SEMA3E: variants seen among roughly 807,000 people sequenced by gnomAD.
SEMA3E encodes the protein semaphorin 3E.
A neutral mutation model predicts 93.6 loss-of-function variants in SEMA3E; 49 were observed. That is an observed-to-expected ratio of 0.52 (90% confidence interval 0.42 to 0.66). SEMA3E has a LOEUF of 0.66. Among genes scored for constraint, SEMA3E ranks in the 30% least tolerant of loss-of-function variants. SEMA3E has a pLI of 0.00. For synonymous variants in SEMA3E, 363 were observed against 330.7 expected (o/e 1.10, Z -1.06); for missense variants, 906 against 964.8 (o/e 0.94, Z 0.81).
chr7:83,372,130 T>C, intron 16 of SEMA3E: 1 of 395,036 alleles, frequency 2.5e-6, no homozygotes, highest in Non-Finnish European at 4.5e-6. Context: ...TGTATAGCAA[T>C]GGGGTATATC....
intron 7 of SEMA3E, 42 bp from the exon 8 acceptor site, chr7:83,406,101 T>C: frequency 7.4e-7 from 1 of 1,346,224 alleles, no homozygotes. Context: ...CCTAAAGAAT[T>C]TCGACCAACC....
At chr7:83,503,834 C>T (rs140262653) in intron 1 of SEMA3E, among the ~76,000 whole-genome samples, 5 of 152,282 alleles carry the variant, frequency 3.3e-5, no homozygotes, top group East Asian at 1.9e-4. Context: ...AATGTTGCTA[C>T]GTGGCACAAG....
At chr7:83,398,547 T>G (rs1241094368) in intron 11 of SEMA3E, among the ~76,000 whole-genome samples, 1 of 152,196 alleles carries the variant, frequency 6.6e-6, no homozygotes, top group Non-Finnish European at 1.5e-5. Context: ...GAGCATATTA[T>G]TAACATTAAC....
rs987730283 is a variant in SEMA3E at position 83,533,116 on chromosome 7, C to G, written c.116-42842G>C. Among the ~76,000 whole-genome samples the G allele has an allele frequency of 4.6e-5, 7 of 152,144 alleles. No homozygotes were observed. The East Asian group carries it at 1.2e-3, about 25-fold the overall frequency. The stretch of plus-strand genomic sequence containing the variant: ...GTATCTTTCTCTCCTCCTCCTTCTC[C>G]TCCACCTGTACAACTGACATTACCT... On this transcript the variant is annotated intron_variant, in intron 1 of 16. Transcript: ENST00000643230.
intron 1 of SEMA3E, among the ~76,000 whole-genome samples, chr7:83,554,893 C>T (rs181545828): frequency 1.3e-5 from 2 of 151,924 alleles, no homozygotes; most frequent in Non-Finnish European, 2.9e-5. Context: ...AGGAGAATGG[C>T]GTGAACCCGG....
intron 9 of SEMA3E, among the ~76,000 whole-genome samples, chr7:83,403,825 A>C (rs2115632694): frequency 6.6e-6 from 1 of 152,026 alleles, no homozygotes; most frequent in South Asian, 2.1e-4. Context: ...CTCCTAACTA[A>C]AGTGGTAGCA....
chr7:83,370,687 C>A (rs561017754), intron 16 of SEMA3E, among the ~76,000 whole-genome samples: 9 of 152,226 alleles, frequency 5.9e-5, no homozygotes, highest in African/African-American at 1.9e-4. Flanking sequence ...TCTTCCCAAA[C>A]TGGCCTTTCT....
In SEMA3E at chr7:83,466,650, T is replaced by G. The variant is rs1364745646; in HGVS notation, c.337-49A>C. 2.5e-6 allele frequency: 4 copies of G among 1,605,134 alleles called. No individual in the cohort carries two copies. In the East Asian group the frequency reaches 8.9e-5, roughly 36 times the overall value. ...GAATCTATCAGTATAATAAACATGT[T>G]TCGTCCTTTTTGATTTTTGTTTTTC... On this transcript the variant is annotated intron_variant, in intron 3 of 16. Transcript: ENST00000643230.
At chr7:83,590,937 A>C (rs2115944638) in intron 1 of SEMA3E, among the ~76,000 whole-genome samples, 1 of 152,288 alleles carries the variant, frequency 6.6e-6, no homozygotes, top group South Asian at 2.1e-4. Flanking sequence ...ACTGACACAA[A>C]ACATGAAGGA....
intron 16 of SEMA3E, among the ~76,000 whole-genome samples, chr7:83,374,487 G>C (rs1200248643): frequency 6.6e-6 from 1 of 152,104 alleles, no homozygotes; most frequent in African/African-American, 2.4e-5. Flanking sequence ...AGAGATGACT[G>C]TCAAAGATGT....
At chr7:83,611,466 C>T (rs1793261284) in intron 1 of SEMA3E, among the ~76,000 whole-genome samples, 2 of 148,626 alleles carry the variant, frequency 1.3e-5, no homozygotes, top group Non-Finnish European at 3.0e-5. Context: ...CAACCATTAT[C>T]CCCCTTGACC....
chr7:83,505,838 A>T (rs1790692332), intron 1 of SEMA3E, among the ~76,000 whole-genome samples: 1 of 151,622 alleles, frequency 6.6e-6, no homozygotes, highest in Non-Finnish European at 1.5e-5. Context: ...ACATGGTGAA[A>T]CCTCGTCTCT....
At position 83,403,172 on chromosome 7, in the gene SEMA3E, T is replaced by G. The variant is rs144328155; in HGVS notation, c.999-396A>C. ...GTTGTTCTATTTTCAAAGTAGACAG[T>G]GTCCTCTTACTCACTATGCTGTTAA... On this transcript the variant is annotated intron_variant, in intron 9 of 16. Transcript: ENST00000643230. 2.4e-3 allele frequency among the ~76,000 whole-genome samples: 370 copies of G among 152,140 alleles called. 7 individuals carry two copies. In the East Asian group the frequency reaches 0.041, roughly 17 times the overall value.
Position 83,469,320 on chromosome 7 carries a change from G to A in SEMA3E, c.277-18C>T. 6.5e-7 allele frequency: 1 copy of A among 1,547,618 alleles called. No homozygotes were observed. The highest frequency in any genetic ancestry group is 8.9e-7 in the Non-Finnish European group (1 of 1,123,136). On this transcript the variant is annotated intron_variant, in intron 2 of 16. Coordinates refer to ENST00000643230, the MANE Select transcript of SEMA3E (RefSeq NM_012431.3). ...CAGTGTATCTAAAATAAAAGATAAT[G>A]TACTATTATGACAACTGCATATAAA...
intron 1 of SEMA3E, among the ~76,000 whole-genome samples, chr7:83,570,715 T>C (rs1203980826): frequency 6.6e-6 from 1 of 150,580 alleles, no homozygotes; most frequent in Non-Finnish European, 1.5e-5. Context: ...GATGCAGAAG[T>C]CCATACAAAA....
intron 14 of SEMA3E, among the ~76,000 whole-genome samples, chr7:83,388,001 T>C (rs1787917852): frequency 6.8e-6 from 1 of 147,362 alleles, no homozygotes; most frequent in South Asian, 2.1e-4. Context: ...GTATATAATA[T>C]AATGTTTTGA....
At position 83,363,859 on chromosome 7, in the gene SEMA3E, CATTT is replaced by C. The variant is rs1794621373; in HGVS notation, c.*3723_*3726del. 8.9e-5 allele frequency: 9 copies of C among 100,562 alleles called. No individual in the cohort carries two copies. Among genetic ancestry groups the C allele is most frequent in the South Asian group, 6.5e-4 (2 of 3,094 alleles). 6.2% of individuals were successfully genotyped at this position (100,562 alleles called of 1,614,324 possible). A position where few individuals can be genotyped will look rare whatever the true frequency, so the allele number is the denominator to read the frequency against. On this transcript the variant is annotated 3_prime_UTR_variant, in exon 17 of 17. Transcript: ENST00000643230. ...AGGCTACAGGTGTCACAGGTCAATT[CATTT>C]TTTTTTTTTTTTTTTTTTTTTTTTT...
intron 14 of SEMA3E, among the ~76,000 whole-genome samples, chr7:83,390,314 T>G (rs1290676911): frequency 6.6e-6 from 1 of 151,110 alleles, no homozygotes; most frequent in African/African-American, 2.4e-5. Context: ...TGGAGAAGTT[T>G]CAGAAAGTTG....
At chr7:83,401,164 A>T (rs1188382336) in intron 10 of SEMA3E, among the ~76,000 whole-genome samples, 1 of 152,178 alleles carries the variant, frequency 6.6e-6, no homozygotes, top group Non-Finnish European at 1.5e-5. Context: ...CTGACTAAAA[A>T]ATTAAATACT....
Sources: allele counts gnomAD v4.1 joint callset (sites outside exome capture counted in the v4.1 genomes callset), GRCh38; gene constraint gnomAD v4.1.1; transcripts MANE v1.5; gene names NCBI Gene and HGNC (gene_info 2026-07-23, HGNC 2026-07-21).